Variants in RSRC2 observed in about 807,000 individuals in gnomAD.
The protein encoded by RSRC2 is arginine/serine-rich coiled-coil protein 2.
Under a neutral mutation model 61.3 loss-of-function variants are expected in RSRC2, and 5 were observed. The observed-to-expected ratio is 0.08, with a 90% CI of 0.04 to 0.17. The LOEUF (loss-of-function observed/expected upper bound fraction) is 0.17, where lower values mean the gene tolerates loss of function less well. RSRC2 is among the 10% of genes least tolerant of loss of function. The probability of loss-of-function intolerance (pLI) is 1.00; values close to 1 mark genes in which losing one functional copy is unlikely to be tolerated. For missense variants in RSRC2, 381 were observed against 518.8 expected, an observed-to-expected ratio of 0.73 and a Z score of 2.58; for synonymous variants, 202 against 166.5, an observed-to-expected ratio of 1.21 and a Z score of -1.64.
At chr12:122,521,986 CA>C (rs1180091908) in intron 2 of RSRC2, among the ~76,000 whole-genome samples, 156 bp downstream of exon 2, 4 of 152,330 alleles carry the variant, frequency 2.6e-5, no homozygotes, top group African/African-American at 9.6e-5. Context: ...GGTCCTGGCT[CA>C]GGTGATCTGC....
At chr12:122,507,172 G>C (rs1171187828) in intron 8 of RSRC2, 10 of 478,908 alleles carry the variant, frequency 2.1e-5, no homozygotes, top group Non-Finnish European at 3.8e-5. Flanking sequence ...GAGGTCAGGG[G>C]ATCGAGACTA....
At chr12:122,517,465 A>G (rs1285125843) in intron 4 of RSRC2, 35 bp from the exon 5 acceptor site, 17 of 1,612,980 alleles carry the variant, frequency 1.1e-5, no homozygotes, top group Non-Finnish European at 1.4e-5. Context: ...TAATTACTTA[A>G]AAGTTGTGTT....
At position 122,519,048 on chromosome 12, in the gene RSRC2, G is replaced by A. The variant is rs1959130303; in HGVS notation, c.208-19C>T. 1 of 1,607,426 alleles carries A rather than the reference G, an allele frequency of 6.2e-7. No homozygotes were observed. Among genetic ancestry groups the A allele is most frequent in the African/African-American group, 1.3e-5 (1 of 74,624 alleles). Reference sequence around the variant, plus strand: ...TTCTTCCCTGTTTTAAGAAGAAGTTGGTTCTTTCAGGAAAATAGTGCAACA... The same window carrying A: ...TTCTTCCCTGTTTTAAGAAGAAGTTAGTTCTTTCAGGAAAATAGTGCAACA... On this transcript the variant is annotated intron_variant, in intron 3 of 9. Transcript: ENST00000331738.
chr12:122,520,487 G>C, intron 3 of RSRC2: 1 of 1,312,012 alleles, frequency 7.6e-7, no homozygotes, highest in Non-Finnish European at 1.0e-6. Context: ...ATAGGAGTTT[G>C]AATGACTAAT....
In RSRC2 at chr12:122,518,899, T is replaced by C. The variant is rs1247786888; in HGVS notation, c.338A>G (p.Lys113Arg). The C allele has an allele frequency of 1.2e-6, 2 of 1,614,042 alleles. No individual in the cohort carries two copies. The highest frequency in any genetic ancestry group is 1.7e-6 in the Non-Finnish European group (2 of 1,180,032). The change falls in exon 4 of 10, where the codon AAA becomes AGA. Residue 113 changes from lysine to arginine, a missense_variant. Physicochemically the swap from Lys to Arg is conservative, Grantham distance 26. Coordinates refer to ENST00000331738, the MANE Select transcript of RSRC2 (RefSeq NM_023012.6). ...TCTTGATGACTTTCTTTCTTTGCGT[T>C]TGTGCCTGTCCTCACCATTTTCAGA... ...NSSENGEDRH[K>R]RKERKSSRGR...
Position 122,508,255 on chromosome 12 carries a change from T to C in RSRC2, c.998A>G (p.Lys333Arg). ...GCCCTGCCAAAGCATTTTCCTTTTT[T>C]TCTCTTGTTCAGCAAATTTCATTGG... is the stretch of plus-strand genomic sequence containing the variant. The part of the protein sequence containing the change: ...VNPMKFAEQE[K>R]KRKMLWQGKK... The change falls in exon 8 of 10, where the codon AAA becomes AGA. Residue 333 changes from lysine to arginine, a missense_variant. Coordinates refer to ENST00000331738, the MANE Select transcript of RSRC2 (RefSeq NM_023012.6). 6.2e-7 allele frequency: 1 copy of C among 1,614,246 alleles called. No homozygotes were observed.
In RSRC2 at chr12:122,507,482, CATTTGTCATTGCAAATAATGTCA is replaced by C. The variant is rs368497153; in HGVS notation, c.1036-582_1036-560del. 3.7e-3 allele frequency among the ~76,000 whole-genome samples: 555 copies of C among 149,578 alleles called. 5 individuals are homozygous for C. The highest frequency in any genetic ancestry group is 0.016 in the South Asian group (76 of 4,772). On this transcript the variant is annotated intron_variant, in intron 8 of 9. Transcript: ENST00000331738. ...ACTGCATGTCATTTGCATTTAATGT[CATTTGTCATTGCAAATAATGTCA>C]AAAAAAAAAAAGTACCTCATAATCT...
intron 5 of RSRC2, among the ~76,000 whole-genome samples, chr12:122,515,902 T>A (rs554789988): frequency 6.6e-6 from 1 of 152,094 alleles, no homozygotes; most frequent in Admixed American, 6.5e-5. Context: ...GGCAGGAAAA[T>A]CGCTTGAACC....
At position 122,508,454 on chromosome 12, in the gene RSRC2, G is replaced by T. The variant is rs754966612; in HGVS notation, c.806-7C>A. On this transcript the variant is annotated splice_polypyrimidine_tract_variant and splice_region_variant and intron_variant, in intron 7 of 9. Coordinates refer to ENST00000331738, the MANE Select transcript of RSRC2 (RefSeq NM_023012.6). ...GAACCTCCAGTAGCTGCAGCTGCTT[G>T]AAGAGAATACAAAAATGGATTTTAA... 46 of 1,604,620 alleles carry T rather than the reference G, an allele frequency of 2.9e-5. No individual in the cohort carries two copies. In the Admixed American group the frequency reaches 7.6e-4, roughly 27 times the overall value.
intron 6 of RSRC2, among the ~76,000 whole-genome samples, chr12:122,513,484 A>G (rs1024753153): frequency 6.6e-6 from 1 of 152,080 alleles, no homozygotes; most frequent in Non-Finnish European, 1.5e-5. Flanking sequence ...CTATATATCA[A>G]TGACATTTTG....
chr12:122,505,478 ATCAGAACAAGAAGTCTATAAGTCCCAAAC>A lies in RSRC2; in HGVS notation c.*20_*48del, dbSNP rs555480464. ...GCTGTTTGGTGAACAAGGACGTGACATCAGAACAAGAAGTCTATAAGTCCCAAACTTTACAAGTGTGATCATTTTCAAAC... is the reference window on the plus strand; with the variant it reads ...GCTGTTTGGTGAACAAGGACGTGACATTTACAAGTGTGATCATTTTCAAAC... On this transcript the variant is annotated 3_prime_UTR_variant, in exon 10 of 10. Transcript: ENST00000331738. 5.0e-5 allele frequency: 78 copies of A among 1,555,018 alleles called. 1 individual carries two copies. In the East Asian group the frequency reaches 1.2e-3, roughly 24 times the overall value.
intron 3 of RSRC2, 83 bp downstream of exon 3, chr12:122,521,299 GACA>G: frequency 2.0e-6 from 2 of 1,009,484 alleles, no homozygotes; most frequent in East Asian, 2.4e-5. Flanking sequence ...TACTTACCTT[GACA>G]ACGTCTTATA....
intron 1 of RSRC2, 47 bp from the exon 2 acceptor site, chr12:122,522,346 A>G: frequency 1.3e-6 from 2 of 1,500,438 alleles, no homozygotes; most frequent in East Asian, 2.4e-5. Context: ...TACATTTTAA[A>G]TGTTTTCAAT....
chr12:122,507,304 C>G (rs1220979073), intron 8 of RSRC2: 3 of 244,536 alleles, frequency 1.2e-5, no homozygotes, highest in Non-Finnish European at 2.4e-5. Flanking sequence ...ATTGCTTGAA[C>G]CTGGGAGGCA....
At chr12:122,521,245 T>C in intron 3 of RSRC2, 140 bp downstream of exon 3, 1 of 531,712 alleles carries the variant, frequency 1.9e-6, no homozygotes, top group East Asian at 2.9e-5. Flanking sequence ...ATCAAAATCA[T>C]GCTTATTTTA....
At chr12:122,519,460 A>G (rs1032989546) in intron 3 of RSRC2, 2 of 161,368 alleles carry the variant, frequency 1.2e-5, no homozygotes, top group Admixed American at 6.0e-5. Context: ...TAGGTAGCTA[A>G]ATATAATTAT....
chr12:122,513,973 A>T, intron 6 of RSRC2: 1 of 175,542 alleles, frequency 5.7e-6, no homozygotes, highest in Non-Finnish European at 1.1e-5. Context: ...TCAAGTATGC[A>T]GTGAGCCGTC....
At position 122,505,218 on chromosome 12, in the gene RSRC2, G is replaced by A. The variant is rs1482455234; in HGVS notation, c.*309C>T. 3 of 243,600 alleles carry A rather than the reference G, an allele frequency of 1.2e-5. No homozygotes were observed. Among genetic ancestry groups the A allele is most frequent in the East Asian group, 8.3e-5 (1 of 11,986 alleles). The allele number at this position is 243,600 out of a possible 1,614,324, so 15.1% of individuals were successfully genotyped here. Reference sequence around the variant, plus strand: ...TAAGTACAAAAGTACACAAGACAGCGGACACGAAAAAATCCATGTATGAGA... The same window carrying A: ...TAAGTACAAAAGTACACAAGACAGCAGACACGAAAAAATCCATGTATGAGA... On this transcript the variant is annotated 3_prime_UTR_variant, in exon 10 of 10. Coordinates refer to ENST00000331738, the MANE Select transcript of RSRC2 (RefSeq NM_023012.6).
chr12:122,521,229 T>C, intron 3 of RSRC2, 156 bp downstream of exon 3: 1 of 502,366 alleles, frequency 2.0e-6, no homozygotes. Flanking sequence ...TCTTCAAAAA[T>C]GATGAATCAA....
Sources: gnomAD v4.1 joint callset for allele counts (sites outside exome capture counted in the v4.1 genomes callset) on GRCh38, gnomAD v4.1.1 for gene constraint, MANE v1.5 for transcripts, NCBI Gene and HGNC (gene_info 2026-07-23, HGNC 2026-07-21) for gene names.